XIRP2: variants seen among roughly 807,000 people sequenced by gnomAD.
XIRP2 encodes the protein xin actin-binding repeat-containing protein 2.
A neutral mutation model predicts 277.0 loss-of-function variants in XIRP2; 236 were observed. The ratio of observed to expected loss-of-function variants is 0.85; its 90% CI spans 0.77 to 0.95. XIRP2 has a LOEUF of 0.95. XIRP2 is among the 40% of genes least tolerant of loss of function. XIRP2 has a pLI of 0.00. For synonymous variants in XIRP2, 1,490 were observed against 1,416.5 expected (o/e 1.05, Z -1.17); for missense variants, 4,640 against 4,157.5 (o/e 1.12, Z -3.19).
Position 167,245,079 on chromosome 2 carries a change from A to T in XIRP2, c.3687A>T (p.Glu1229Asp). 1 of 1,610,330 alleles carries T rather than the reference A, an allele frequency of 6.2e-7. No individual in the cohort carries two copies. Among genetic ancestry groups the T allele is most frequent in the Non-Finnish European group, 8.5e-7 (1 of 1,178,948 alleles). The change falls in exon 9 of 11, where the codon GAA becomes GAT. Residue 1229 changes from glutamate (E) to aspartate (D), a missense_variant. Physicochemically the swap from Glu to Asp is conservative, Grantham distance 45. Transcript: ENST00000409195. The part of the protein sequence containing the change: ...VLKKIKTLKT[E>D]DIQKGNVLNC... The stretch of plus-strand genomic sequence containing the variant: ...AAAAGATCAAAACCTTAAAAACTGA[A>T]GATATTCAGAAAGGCAATGTTTTAA...
intron 2 of XIRP2, among the ~76,000 whole-genome samples, chr2:166,979,369 CTT>C (rs66909002): frequency 0.046 from 5,005 of 108,454 alleles, 184 homozygotes; most frequent in East Asian, 0.16. Flanking sequence ...CTTTTCTTTT[CTT>C]TTTTTTTTTT....
At chr2:166,981,726 C>T (rs887968616) in intron 2 of XIRP2, among the ~76,000 whole-genome samples, 6 of 152,130 alleles carry the variant, frequency 3.9e-5, no homozygotes, top group African/African-American at 1.4e-4. Flanking sequence ...ATAAGGACAT[C>T]AGTCGTGATG....
chr2:166,975,930 C>CAAAAAAAAAAAAAA (rs550529718), intron 2 of XIRP2, among the ~76,000 whole-genome samples: 21 of 45,710 alleles, frequency 4.6e-4, no homozygotes, highest in African/African-American at 7.8e-4. Flanking sequence ...GACTCCGTCT[C>CAAAAAAAAAAAAAA]AAAAAAAAAA....
chr2:167,208,753 CA>C (rs886789445), intron 3 of XIRP2, among the ~76,000 whole-genome samples: 9 of 150,942 alleles, frequency 6.0e-5, no homozygotes, highest in South Asian at 2.1e-4. Flanking sequence ...AAATTTTAAC[CA>C]AAAAAAAGCC....
intron 3 of XIRP2, among the ~76,000 whole-genome samples, chr2:167,145,072 T>C (rs1691825881): frequency 6.6e-6 from 1 of 152,182 alleles, no homozygotes; most frequent in Admixed American, 6.5e-5. Context: ...GTTTTTTGCT[T>C]ATGCCATGCC....
At chr2:166,915,085 C>T (rs1258338875) in intron 2 of XIRP2, among the ~76,000 whole-genome samples, 1 of 151,508 alleles carries the variant, frequency 6.6e-6, no homozygotes, top group African/African-American at 2.4e-5. Context: ...ATCATGAGGT[C>T]AGGAGATCGA....
At chr2:166,915,882 A>T (rs1684860536) in intron 2 of XIRP2, among the ~76,000 whole-genome samples, 1 of 152,182 alleles carries the variant, frequency 6.6e-6, no homozygotes, top group Admixed American at 6.5e-5. Flanking sequence ...TTTGACAAAG[A>T]CTATTCAAAC....
intron 2 of XIRP2, among the ~76,000 whole-genome samples, chr2:166,968,660 A>C (rs996255870): frequency 6.6e-6 from 1 of 151,960 alleles, no homozygotes; most frequent in Non-Finnish European, 1.5e-5. Context: ...TTTTGGCACA[A>C]TGTTCTTTTA....
At chr2:167,068,845 T>A (rs1045777375) in intron 2 of XIRP2, among the ~76,000 whole-genome samples, 2 of 151,852 alleles carry the variant, frequency 1.3e-5, no homozygotes, top group African/African-American at 4.8e-5. Flanking sequence ...GTCTTGCAAT[T>A]TTTTTTTAGC....
chr2:167,015,038 A>G (rs1399177357), intron 2 of XIRP2, among the ~76,000 whole-genome samples: 1 of 151,846 alleles, frequency 6.6e-6, no homozygotes, highest in Non-Finnish European at 1.5e-5. Flanking sequence ...GTAGTGGTTC[A>G]AGAACAATAT....
intron 2 of XIRP2, among the ~76,000 whole-genome samples, chr2:166,944,985 G>T (rs192135888): frequency 6.6e-6 from 1 of 152,210 alleles, no homozygotes; most frequent in East Asian, 1.9e-4. Flanking sequence ...ATTGACAGCA[G>T]GACTCTTTTG....
At chr2:167,008,965 C>A (rs957747033) in intron 2 of XIRP2, among the ~76,000 whole-genome samples, 1 of 151,290 alleles carries the variant, frequency 6.6e-6, no homozygotes, top group Admixed American at 6.6e-5. Context: ...CTAATAATCG[C>A]AATAATATTT....
At chr2:167,111,168 C>G (rs925359258) in intron 2 of XIRP2, among the ~76,000 whole-genome samples, 5 of 152,094 alleles carry the variant, frequency 3.3e-5, no homozygotes, top group Non-Finnish European at 4.4e-5. Flanking sequence ...CCTTTTATTT[C>G]TTTCTCTTGA....
At chr2:167,088,999 T>C (rs1690061494) in intron 2 of XIRP2, among the ~76,000 whole-genome samples, 1 of 152,164 alleles carries the variant, frequency 6.6e-6, no homozygotes, top group Admixed American at 6.5e-5. Context: ...TAATTAGCAC[T>C]CAACAAATGT....
At chr2:167,187,977 A>G (rs1266012570) in intron 3 of XIRP2, among the ~76,000 whole-genome samples, 1 of 152,208 alleles carries the variant, frequency 6.6e-6, no homozygotes, top group Non-Finnish European at 1.5e-5. Flanking sequence ...AAAGAAATGC[A>G]TGAAAATTAT....
intron 2 of XIRP2, among the ~76,000 whole-genome samples, chr2:167,131,396 C>A (rs1295886881): frequency 6.6e-6 from 1 of 152,160 alleles, no homozygotes; most frequent in Non-Finnish European, 1.5e-5. Flanking sequence ...ACATCTCTCT[C>A]AAGTTACTGC....
chr2:167,064,922 C>T, intron 2 of XIRP2, among the ~76,000 whole-genome samples: 1 of 151,844 alleles, frequency 6.6e-6, no homozygotes, highest in South Asian at 2.1e-4. Context: ...GCTTGGATTG[C>T]TTCTACCTTT....
chr2:166,937,820 T>C (rs1199053161), intron 2 of XIRP2, among the ~76,000 whole-genome samples: 1 of 152,210 alleles, frequency 6.6e-6, no homozygotes. Flanking sequence ...TGGTTTAGTG[T>C]TGGGAGGGTG....
chr2:167,000,780 G>T (rs1687345411), intron 2 of XIRP2, among the ~76,000 whole-genome samples: 1 of 152,006 alleles, frequency 6.6e-6, no homozygotes, highest in Admixed American at 6.6e-5. Flanking sequence ...ACATTACTGT[G>T]CACTTTTGAT....
Sources: allele counts gnomAD v4.1 joint callset (sites outside exome capture counted in the v4.1 genomes callset), GRCh38; gene constraint gnomAD v4.1.1; transcripts MANE v1.5; gene names NCBI Gene and HGNC (gene_info 2026-07-23, HGNC 2026-07-21).